The following LRP2 variants were observed in gnomAD, a reference collection of about 807,000 sequenced individuals.
LRP2 encodes the protein LDL receptor related protein 2.
LRP2 carries 172 observed loss-of-function variants against 531.0 expected under a neutral mutation model. The ratio of observed to expected loss-of-function variants is 0.32; its 90% CI spans 0.29 to 0.37. The LOEUF is 0.37. Ranked by LOEUF, LRP2 falls within the 10% of genes least tolerant of loss-of-function variation. The pLI, the probability that LRP2 is intolerant of heterozygous loss-of-function variation, is 1.00. For synonymous variants in LRP2, 1,992 were observed against 2,027.6 expected, an observed-to-expected ratio of 0.98 and a Z score of 0.47; for missense variants, 5,167 against 5,868.3, an observed-to-expected ratio of 0.88 and a Z score of 3.90.
intron 33 of LRP2, 24 bp from the exon 34 acceptor site, chr2:169,220,587 G>T: frequency 6.6e-7 from 1 of 1,511,470 alleles, no homozygotes; most frequent in Non-Finnish European, 9.2e-7. Flanking sequence ...TCACTTATTA[G>T]AACTGACTTT....
chr2:169,172,113 A>G lies in LRP2; in HGVS notation c.11165T>C (p.Val3722Ala). 2 of 1,614,170 alleles carry G rather than the reference A, an allele frequency of 1.2e-6. No homozygotes were observed. The highest frequency in any genetic ancestry group is 1.7e-4 in the Middle Eastern group (1 of 6,060). Residue 3722 changes from valine (V) to alanine (A), a missense_variant, in exon 58 of 79, where the codon GTG becomes GCG. Coordinates refer to ENST00000649046, the MANE Select transcript of LRP2 (RefSeq NM_004525.3). ...QGCEERTCHP[V>A]GDFRCKNHHC... The stretch of plus-strand genomic sequence containing the variant: ...GTGATTTTTACAGCGGAAATCCCCC[A>G]CAGGATGGCATGTCCTCTCCTCTGC...
At chr2:169,203,708 G>A (rs1688279560) in intron 42 of LRP2, among the ~76,000 whole-genome samples, 1 of 152,208 alleles carries the variant, frequency 6.6e-6, no homozygotes. Context: ...AGTGAGCTGA[G>A]ATCCCGCCAC....
chr2:169,138,827 T>C, intron 74 of LRP2, 121 bp from the exon 75 acceptor site: 1 of 1,119,616 alleles, frequency 8.9e-7, no homozygotes, highest in Non-Finnish European at 1.3e-6. Flanking sequence ...TCAAATGTAA[T>C]GCTCAATTCC....
rs1201897226 is a variant in LRP2 at position 169,186,167 on chromosome 2, T to C, written c.9329-148A>G. On this transcript the variant is annotated intron_variant, in intron 49 of 78. Coordinates refer to ENST00000649046, the MANE Select transcript of LRP2 (RefSeq NM_004525.3). ...ACAAAGACTTCCAAAGACTGTGGAT[T>C]ATTGAAAAGTCACTATTTTTCAACT... 1.1e-5 allele frequency: 8 copies of C among 719,874 alleles called. No homozygotes were observed. In the Admixed American group the frequency reaches 1.6e-4, roughly 15 times the overall value. 44.6% of individuals were successfully genotyped at this position (719,874 alleles called of 1,614,324 possible).
At chr2:169,274,926 G>T in intron 14 of LRP2, 110 bp downstream of exon 14, 1 of 1,063,812 alleles carries the variant, frequency 9.4e-7, no homozygotes, top group Non-Finnish European at 1.4e-6. Context: ...ATATACTTGA[G>T]AATGCCACCC....
In LRP2 at chr2:169,247,514, C is replaced by T. The variant is rs750381889; in HGVS notation, c.2772G>A (p.Glu924=). Residue 924 remains glutamate, a splice_region_variant and synonymous_variant, in exon 20 of 79, where the codon GAG becomes GAA. Coordinates refer to ENST00000649046, the MANE Select transcript of LRP2 (RefSeq NM_004525.3). ...GTCTCCAGTCAGTAAAAAATAAATG[C>T]TCTGAAAAGAAACATGGGTAGATTA... ...THPFGLAIFG[E]HLFFTDWRLG... is the part of the protein sequence containing the mutation. 7 of 1,614,082 alleles carry T rather than the reference C, an allele frequency of 4.3e-6. No individual in the cohort carries two copies. The highest frequency in any genetic ancestry group is 2.2e-5 in the South Asian group (2 of 91,074).
chr2:169,225,325 T>A lies in LRP2; in HGVS notation c.5523A>T (p.Arg1841Ser). The change falls in exon 33 of 79, where the codon AGA (arginine) becomes AGT (serine). Residue 1841 changes from arginine to serine, a missense_variant. Transcript: ENST00000649046. ...ISRNLYSTNP[R>S]TQSIEVLTLH... ...GAATCATTACCTCGATTGACTGAGTTCTAGGATTGGTAGAATAAAGGTTTC... is the reference window on the plus strand; with the variant it reads ...GAATCATTACCTCGATTGACTGAGTACTAGGATTGGTAGAATAAAGGTTTC... 2 of 1,613,908 alleles carry A rather than the reference T, an allele frequency of 1.2e-6. No individual in the cohort carries two copies. Among genetic ancestry groups the A allele is most frequent in the South Asian group, 2.2e-5 (2 of 91,068 alleles).
At chr2:169,337,932 G>C (rs181880769) in intron 1 of LRP2, among the ~76,000 whole-genome samples, 85 of 152,106 alleles carry the variant, frequency 5.6e-4, no homozygotes, top group African/African-American at 1.9e-3. Context: ...CATAGTGAGA[G>C]CCAGTATCTA....
intron 15 of LRP2, chr2:169,271,634 CACACACACACACACACACACAG>C (rs1330827787): frequency 2.2e-6 from 1 of 459,822 alleles, no homozygotes; most frequent in African/African-American, 2.1e-5. Context: ...CACACACACA[CACACACACACACACACACACAG>C]AAACCTTTCT....
chr2:169,260,272 G>A (rs925638911), intron 16 of LRP2, among the ~76,000 whole-genome samples: 1 of 152,132 alleles, frequency 6.6e-6, no homozygotes, highest in Non-Finnish European at 1.5e-5. Context: ...GAGATGCATA[G>A]GATGGTCTGA....
rs777703505 is a variant in LRP2 at position 169,138,563 on chromosome 2, G to A, written c.13518+14C>T. On this transcript the variant is annotated intron_variant, in intron 75 of 78. Coordinates refer to ENST00000649046, the MANE Select transcript of LRP2 (RefSeq NM_004525.3). ...ATGACAACCTTCAAATAATCATTTT[G>A]AAACCATACTCACCATTGCCATTGA... The A allele has an allele frequency of 1.2e-6, 2 of 1,613,312 alleles. No homozygotes were observed. Among genetic ancestry groups the A allele is most frequent in the Non-Finnish European group, 1.7e-6 (2 of 1,179,514 alleles).
chr2:169,212,341 T>C, intron 36 of LRP2, 134 bp from the exon 37 acceptor site: 1 of 1,119,142 alleles, frequency 8.9e-7, no homozygotes, highest in Non-Finnish European at 1.3e-6. Context: ...GAGTTAGCAA[T>C]CTAAAAACAA....
chr2:169,201,879 A>C lies in LRP2; in HGVS notation c.8210-9T>G, dbSNP rs1294606349. ...TGAGCAGGTGTGAAGTGCTAAGAAC[A>C]GGAAAAACATGAGAACAAACCCTCT... On this transcript the variant is annotated splice_polypyrimidine_tract_variant and intron_variant, in intron 43 of 78. Coordinates refer to ENST00000649046, the MANE Select transcript of LRP2 (RefSeq NM_004525.3). 6.2e-7 allele frequency: 1 copy of C among 1,614,086 alleles called. No individual in the cohort carries two copies. The highest frequency in any genetic ancestry group is 8.5e-7 in the Non-Finnish European group (1 of 1,180,022).
In LRP2 at chr2:169,299,155, GAAAA is replaced by G. The variant is rs1348985286; in HGVS notation, c.428-4449_428-4446del. Among the ~76,000 whole-genome samples, 15 of 23,494 alleles carry G rather than the reference GAAAA, an allele frequency of 6.4e-4. 1 individual carries two copies. Among genetic ancestry groups the G allele is most frequent in the East Asian group, 2.0e-3 (2 of 1,010 alleles). The allele number at this position is 23,494 out of a possible 152,430, so 15.4% of individuals were successfully genotyped here. ...AGAAAGAAAGAAAGAAAGAAAGAAA[GAAAA>G]AAAGAAAGAAAGAAAAAGAAAGAAA... On this transcript the variant is annotated intron_variant, in intron 4 of 78. Transcript: ENST00000649046.
chr2:169,151,670 G>T (rs984593396), intron 67 of LRP2, among the ~76,000 whole-genome samples: 2 of 152,090 alleles, frequency 1.3e-5, no homozygotes, highest in Non-Finnish European at 2.9e-5. Flanking sequence ...AGCAGAAAAA[G>T]TTCCACCACT....
chr2:169,258,967 T>A, intron 17 of LRP2, 58 bp downstream of exon 17: 1 of 1,489,704 alleles, frequency 6.7e-7, no homozygotes, highest in East Asian at 2.3e-5. Context: ...GCATCACTTT[T>A]CAATGACTGT....
intron 41 of LRP2, among the ~76,000 whole-genome samples, chr2:169,205,148 C>CTAGGG (rs1433062818): frequency 6.6e-6 from 1 of 151,644 alleles, no homozygotes; most frequent in Non-Finnish European, 1.5e-5. Flanking sequence ...TAGCAGTTAC[C>CTAGGG]TAGGGCCTGC....
rs761200759 is a variant in LRP2, at chr2:169,170,583, T to A, written c.11348A>T (p.Asp3783Val). 4 of 1,614,144 alleles carry A rather than the reference T, an allele frequency of 2.5e-6. No homozygotes were observed. Among genetic ancestry groups the A allele is most frequent in the Non-Finnish European group, 2.5e-6 (3 of 1,179,984 alleles). Residue 3783 changes from aspartate (D) to valine (V), a missense_variant, in exon 59 of 79, where the codon GAC becomes GTC. Transcript: ENST00000649046. ...CCGTTCATCTGAGTTGTCCCCACAG[T>A]CGTTGTAATGGTCACAGATCCATCG... ...PSRWICDHYN[D>V]CGDNSDERDC...
In LRP2 at chr2:169,280,594, C is replaced by T. The variant is rs570190051; in HGVS notation, c.1172-75G>A. 7.0e-6 allele frequency: 10 copies of T among 1,427,358 alleles called. No individual in the cohort carries two copies. In the African/African-American group the frequency reaches 1.3e-4, roughly 18 times the overall value. 88.4% of individuals were successfully genotyped at this position (1,427,358 alleles called of 1,614,324 possible). A position where few individuals can be genotyped will look rare whatever the true frequency, so the allele number is the denominator to read the frequency against. ...GGTGAAGTAGCTTACAAATGATATG[C>T]TTTCTGCTTTTTCAAATGCTATCTT... is the stretch of plus-strand genomic sequence containing the variant. On this transcript the variant is annotated intron_variant, in intron 10 of 78. Transcript: ENST00000649046.
Sources: allele counts gnomAD v4.1 joint callset (sites outside exome capture counted in the v4.1 genomes callset), GRCh38; gene constraint gnomAD v4.1.1; transcripts MANE v1.5; gene names NCBI Gene and HGNC (gene_info 2026-07-23, HGNC 2026-07-21).